The following ROBO2 variants were observed in gnomAD, a reference collection of about 807,000 sequenced individuals.
ROBO2 encodes the protein roundabout homolog 2.
A neutral mutation model predicts 160.8 loss-of-function variants in ROBO2; 53 were observed. The observed-to-expected ratio is 0.33, with a 90% confidence interval of 0.26 to 0.41. The LOEUF (loss-of-function observed/expected upper bound fraction) is 0.41, where lower values mean the gene tolerates loss of function less well. Among genes scored for constraint, ROBO2 ranks in the 10% least tolerant of loss-of-function variants. The pLI is 1.00. For missense variants in ROBO2, 1,577 were observed against 1,722.4 expected, an observed-to-expected ratio of 0.92 and a Z score of 1.49; for synonymous variants, 664 against 611.7, an observed-to-expected ratio of 1.09 and a Z score of -1.26.
At chr3:76,021,160 A>G (rs368840343) in intron 2 of ROBO2, among the ~76,000 whole-genome samples, 38 of 151,936 alleles carry the variant, frequency 2.5e-4, no homozygotes, top group African/African-American at 8.9e-4. Context: ...GAATCTCTCT[A>G]TGAATTCTAG....
At chr3:77,599,621 CATGTA>C (rs1218526727) in intron 19 of ROBO2, among the ~76,000 whole-genome samples, 1 of 150,534 alleles carries the variant, frequency 6.6e-6, no homozygotes, top group Non-Finnish European at 1.5e-5. Flanking sequence ...ACGTTGTGCC[CATGTA>C]CCCTAAAACT....
At position 76,928,266 on chromosome 3, in the gene ROBO2, G is replaced by T. The variant is rs188812374; in HGVS notation, c.110-169748G>T. On this transcript the variant is annotated intron_variant, in intron 2 of 26. Coordinates refer to the ROBO2 transcript ENST00000487694. Reference sequence around the variant, plus strand: ...GACTCTAGAAGTCAGAACCAGCAAGGGAACAAATTCCCCCCAGAGCTTCTA... The same window carrying T: ...GACTCTAGAAGTCAGAACCAGCAAGTGAACAAATTCCCCCCAGAGCTTCTA... Among the ~76,000 whole-genome samples, 27 of 152,004 alleles carry T rather than the reference G, an allele frequency of 1.8e-4. 1 individual carries two copies. The highest frequency in any genetic ancestry group is 1.8e-4 in the Non-Finnish European group (12 of 68,008).
intron 19 of ROBO2, among the ~76,000 whole-genome samples, chr3:77,598,512 CATATATATATATGTGTATAT>C (rs1559695949): frequency 1.5e-4 from 17 of 113,042 alleles, no homozygotes; most frequent in Non-Finnish European, 3.7e-5. Flanking sequence ...TACGCACACA[CATATATATATATGTGTATAT>C]ATATATATAT....
At chr3:76,322,164 G>GTA (rs200388202) in intron 2 of ROBO2, among the ~76,000 whole-genome samples, 6,559 of 106,284 alleles carry the variant, frequency 0.062, 230 homozygotes, top group East Asian at 0.1. Flanking sequence ...TACTTCTTCC[G>GTA]TATATATATA....
intron 2 of ROBO2, among the ~76,000 whole-genome samples, chr3:77,381,269 C>T (rs1319513161): frequency 3.3e-5 from 5 of 152,162 alleles, no homozygotes; most frequent in African/African-American, 7.2e-5. Flanking sequence ...GAGCCGAGAT[C>T]ACGCCACTGC....
At chr3:77,252,102 GAT>G (rs2090417236) in intron 2 of ROBO2, among the ~76,000 whole-genome samples, 1 of 152,156 alleles carries the variant, frequency 6.6e-6, no homozygotes, top group Non-Finnish European at 1.5e-5. Context: ...GTGCTACTTA[GAT>G]ATTTCCTCAG....
At chr3:77,370,136 GA>G (rs2071522276) in intron 2 of ROBO2, among the ~76,000 whole-genome samples, 1 of 152,134 alleles carries the variant, frequency 6.6e-6, no homozygotes, top group Admixed American at 6.5e-5. Context: ...GTGATGGTTT[GA>G]AAAAGGCACA....
At chr3:76,454,424 G>A (rs536276086) in intron 2 of ROBO2, among the ~76,000 whole-genome samples, 1 of 152,264 alleles carries the variant, frequency 6.6e-6, no homozygotes, top group South Asian at 2.1e-4. Flanking sequence ...ATGAAAACAT[G>A]TAGGAAATCC....
At chr3:76,307,820 G>T (rs181514633) in intron 2 of ROBO2, among the ~76,000 whole-genome samples, 8 of 152,162 alleles carry the variant, frequency 5.3e-5, no homozygotes, top group Admixed American at 5.2e-4. Context: ...TGAAAATAAA[G>T]AAAACCTCTA....
intron 2 of ROBO2, among the ~76,000 whole-genome samples, chr3:76,507,456 G>A (rs1277250558): frequency 6.6e-6 from 1 of 151,968 alleles, no homozygotes; most frequent in African/African-American, 2.4e-5. Flanking sequence ...TTTCAAAGAA[G>A]AGTCTGGTGT....
chr3:77,217,247 A>T (rs566131427), intron 2 of ROBO2, among the ~76,000 whole-genome samples: 1 of 152,090 alleles, frequency 6.6e-6, no homozygotes, highest in East Asian at 1.9e-4. Flanking sequence ...GGTTCAAACA[A>T]TTCTCCTACC....
At chr3:76,378,283 G>A (rs1195066165) in intron 2 of ROBO2, among the ~76,000 whole-genome samples, 1 of 152,136 alleles carries the variant, frequency 6.6e-6, no homozygotes, top group African/African-American at 2.4e-5. Flanking sequence ...AAGTAAATCA[G>A]TTGCTGAGAT....
chr3:76,077,421 T>A (rs2108003207), intron 2 of ROBO2, among the ~76,000 whole-genome samples: 1 of 151,866 alleles, frequency 6.6e-6, no homozygotes, highest in South Asian at 2.1e-4. Context: ...AAATTAGCCG[T>A]GTGTGGTGGC....
intron 2 of ROBO2, among the ~76,000 whole-genome samples, chr3:77,176,362 C>A (rs1238996222): frequency 1.3e-5 from 2 of 151,930 alleles, no homozygotes; most frequent in African/African-American, 4.8e-5. Context: ...TTTTCCCTTT[C>A]GGTGCATTCA....
intron 2 of ROBO2, among the ~76,000 whole-genome samples, chr3:76,327,379 A>T (rs1279110403): frequency 6.6e-6 from 1 of 152,142 alleles, no homozygotes; most frequent in Admixed American, 6.5e-5. Context: ...TTAATACTTG[A>T]TATACATTTT....
intron 2 of ROBO2, among the ~76,000 whole-genome samples, chr3:76,611,486 G>C (rs1478223131): frequency 6.6e-6 from 1 of 151,930 alleles, no homozygotes; most frequent in Non-Finnish European, 1.5e-5. Flanking sequence ...TTTCTTTATG[G>C]TTCAGTCTAG....
chr3:75,975,507 T>G (rs1306152146), intron 2 of ROBO2, among the ~76,000 whole-genome samples: 1 of 151,464 alleles, frequency 6.6e-6, no homozygotes. Flanking sequence ...TAGATCATTT[T>G]GAAATGATTT....
intron 2 of ROBO2, among the ~76,000 whole-genome samples, chr3:77,031,562 T>C (rs1198358147): frequency 6.8e-6 from 1 of 146,364 alleles, no homozygotes; most frequent in Non-Finnish European, 1.5e-5. Context: ...ATATTTTATA[T>C]ATTATTAAAT....
chr3:76,175,742 T>C (rs532714052), intron 2 of ROBO2, among the ~76,000 whole-genome samples: 36 of 152,130 alleles, frequency 2.4e-4, no homozygotes, highest in Non-Finnish European at 4.7e-4. Flanking sequence ...TCTGTATTTA[T>C]TGAAAACTTC....
Sources: gnomAD v4.1 joint callset for allele counts (sites outside exome capture counted in the v4.1 genomes callset) on GRCh38, gnomAD v4.1.1 for gene constraint, MANE v1.5 for transcripts, NCBI Gene and HGNC (gene_info 2026-07-23, HGNC 2026-07-21) for gene names.